The following PXDN variants were observed in gnomAD, a reference collection of about 807,000 sequenced individuals.
PXDN encodes the protein peroxidasin homolog.
PXDN carries 77 observed loss-of-function variants against 140.3 expected under a neutral mutation model. That is an observed-to-expected ratio of 0.55 (90% confidence interval 0.46 to 0.66). The LOEUF (loss-of-function observed/expected upper bound fraction) is 0.66. PXDN is among the 30% of genes least tolerant of loss of function. PXDN has a pLI of 0.00. For synonymous variants in PXDN, 911 were observed against 857.4 expected, an observed-to-expected ratio of 1.06 and a Z score of -1.09; for missense variants, 1,838 against 2,039.5, an observed-to-expected ratio of 0.90 and a Z score of 1.90.
At position 1,643,577 on chromosome 2, in the gene PXDN, C is replaced by T; in HGVS notation, c.3744-1G>A. The T allele has an allele frequency of 6.2e-7, 1 of 1,613,618 alleles. No homozygotes were observed. The highest frequency in any genetic ancestry group is 1.1e-5 in the South Asian group (1 of 91,082). ...CACCCCAGGGTTCTCATACCACAAC[C>T]TGGATCCCCCAAAATGAAAGCAGGA... On this transcript the variant is annotated splice_acceptor_variant, in intron 18 of 22. Transcript: ENST00000252804. LOFTEE classifies it high-confidence loss of function.
At chr2:1,679,052 C>T (rs1683799125) in intron 7 of PXDN, among the ~76,000 whole-genome samples, 1 of 151,980 alleles carries the variant, frequency 6.6e-6, no homozygotes, top group Non-Finnish European at 1.5e-5. Flanking sequence ...GAGATCCTTT[C>T]ACCTTACCAA....
intron 1 of PXDN, among the ~76,000 whole-genome samples, chr2:1,733,820 C>A (rs1320851132): frequency 1.4e-5 from 2 of 142,390 alleles, no homozygotes; most frequent in Non-Finnish European, 3.0e-5. Context: ...AAATATCATT[C>A]AAAAATTAAG....
Position 1,635,471 on chromosome 2 carries a change from C to A in PXDN, c.4257G>T (p.Gly1419=). ...RLSTTECVDA[G]GESHANNTKW... Reference sequence around the variant, plus strand: ...TGGTGTTGTTGGCGTGAGATTCGCCCCCGGCATCCACGCACTCTGTGGTAC... The same window carrying A: ...TGGTGTTGTTGGCGTGAGATTCGCCACCGGCATCCACGCACTCTGTGGTAC... The change falls in exon 22 of 23, where the codon GGG becomes GGT. Residue 1419 remains glycine (G), a synonymous_variant. Coordinates refer to ENST00000252804, the MANE Select transcript of PXDN (RefSeq NM_012293.3). 1 of 1,602,360 alleles carries A rather than the reference C, an allele frequency of 6.2e-7. No homozygotes were observed.
intron 9 of PXDN, among the ~76,000 whole-genome samples, chr2:1,672,680 T>C (rs935335225): frequency 2.6e-5 from 4 of 152,244 alleles, no homozygotes; most frequent in African/African-American, 9.6e-5. Flanking sequence ...TAACTGTTGA[T>C]TGTGTCTATG....
Position 1,731,147 on chromosome 2 carries a change from C to T in PXDN, c.200+13109G>A, listed in dbSNP as rs1408393243. 1.2e-4 allele frequency among the ~76,000 whole-genome samples: 7 copies of T among 60,466 alleles called. No individual in the cohort carries two copies. In the East Asian group the frequency reaches 4.6e-3, roughly 40 times the overall value. The allele number at this position is 60,466 out of a possible 152,430, so 39.7% of individuals were successfully genotyped here. A position where few individuals can be genotyped will look rare whatever the true frequency, so the allele number is the denominator to read the frequency against. On this transcript the variant is annotated intron_variant, in intron 1 of 22. Coordinates refer to ENST00000252804, the MANE Select transcript of PXDN (RefSeq NM_012293.3). ...TGCCAACAGAACACTGTTGAGAGCG[C>T]GCGCGCACACACACACACACACACA... is the stretch of plus-strand genomic sequence containing the variant.
In PXDN at chr2:1,680,217, T is replaced by C. The variant is rs1234881692; in HGVS notation, c.706A>G (p.Ile236Val). The change falls in exon 7 of 23, where the codon ATC becomes GTC. Residue 236 changes from isoleucine to valine, a missense_variant. Around this residue, in one of 5 missense-constraint regions of PXDN, gnomAD observed 208 missense variants for 325.8 expected, o/e 0.64. Coordinates refer to ENST00000252804, the MANE Select transcript of PXDN (RefSeq NM_012293.3). ...RRIQGRSVAT[I>V]TPEELNCERP... ...CCACAGTTCAGCTCTTCCGGGGTGA[T>C]GGTTGCCACTGAGCGTCCCTGGATG... 2 of 1,591,204 alleles carry C rather than the reference T, an allele frequency of 1.3e-6. No homozygotes were observed. The highest frequency in any genetic ancestry group is 1.7e-6 in the Non-Finnish European group (2 of 1,168,798).
chr2:1,665,589 G>A (rs940898313), intron 10 of PXDN, among the ~76,000 whole-genome samples: 6 of 152,250 alleles, frequency 3.9e-5, no homozygotes, highest in African/African-American at 9.6e-5. Flanking sequence ...ACTGCTGTGC[G>A]TGCAGATTCT....
At chr2:1,672,930 G>A (rs558282676) in intron 9 of PXDN, among the ~76,000 whole-genome samples, 6 of 152,278 alleles carry the variant, frequency 3.9e-5, no homozygotes, top group South Asian at 4.1e-4. Context: ...CGACTCTACC[G>A]GCTTCTGCAC....
intron 19 of PXDN, among the ~76,000 whole-genome samples, chr2:1,642,539 C>T (rs896517341): frequency 6.6e-6 from 1 of 152,220 alleles, no homozygotes; most frequent in Non-Finnish European, 1.5e-5. Context: ...GTCCCCAGAT[C>T]CCCCCATTGT....
chr2:1,740,806 C>T (rs992821052), intron 1 of PXDN, among the ~76,000 whole-genome samples: 9 of 152,030 alleles, frequency 5.9e-5, no homozygotes, highest in African/African-American at 2.2e-4. Context: ...TAACACCCAG[C>T]AGATGGTGAG....
At chr2:1,716,300 T>C (rs1409090603) in intron 1 of PXDN, among the ~76,000 whole-genome samples, 1 of 151,870 alleles carries the variant, frequency 6.6e-6, no homozygotes, top group Non-Finnish European at 1.5e-5. Context: ...TAGCTGGGCA[T>C]GGTGGTACAT....
intron 1 of PXDN, among the ~76,000 whole-genome samples, chr2:1,718,520 T>C (rs1684944563): frequency 6.6e-6 from 1 of 152,010 alleles, no homozygotes; most frequent in Admixed American, 6.6e-5. Flanking sequence ...ATTAACCTAC[T>C]ACCCGAAGCT....
intron 1 of PXDN, among the ~76,000 whole-genome samples, chr2:1,727,901 T>C (rs1685226036): frequency 6.6e-6 from 1 of 152,248 alleles, no homozygotes; most frequent in African/African-American, 2.4e-5. Context: ...GTTCACTGTC[T>C]TGTGCTATTC....
intron 1 of PXDN, among the ~76,000 whole-genome samples, chr2:1,711,656 GCACCCACT>G (rs1684789885): frequency 7.6e-5 from 4 of 52,650 alleles, no homozygotes; most frequent in Non-Finnish European, 1.2e-4. Flanking sequence ...CACTCCACCA[GCACCCACT>G]CTCCACCAGC....
intron 1 of PXDN, among the ~76,000 whole-genome samples, chr2:1,722,081 CAG>C (rs1263713484): frequency 6.6e-6 from 1 of 152,132 alleles, no homozygotes; most frequent in African/African-American, 2.4e-5. Flanking sequence ...TACCACAAGA[CAG>C]AGTTAAGCGA....
chr2:1,720,029 GA>G (rs755025161), intron 1 of PXDN, among the ~76,000 whole-genome samples: 6 of 83,296 alleles, frequency 7.2e-5, no homozygotes, highest in Admixed American at 1.1e-4. Context: ...GAGAGAGAGA[GA>G]GAGGGAGGGA....
intron 1 of PXDN, among the ~76,000 whole-genome samples, chr2:1,726,501 G>C (rs1242975033): frequency 6.6e-6 from 1 of 151,558 alleles, no homozygotes; most frequent in Non-Finnish European, 1.5e-5. Context: ...AATGGGTGCA[G>C]CACACCAGCA....
chr2:1,693,584 AC>A (rs1395950964), intron 1 of PXDN, among the ~76,000 whole-genome samples: 10 of 152,222 alleles, frequency 6.6e-5, no homozygotes, highest in Non-Finnish European at 1.5e-5. Flanking sequence ...CTAAACTGCT[AC>A]CTTCATGAGA....
intron 1 of PXDN, 71 bp downstream of exon 1, chr2:1,744,185 A>C: frequency 2.7e-6 from 3 of 1,116,130 alleles, no homozygotes; most frequent in South Asian, 2.2e-5. Context: ...CCCACCTCCG[A>C]TCACCCCTGC....
Sources: gnomAD v4.1 joint callset for allele counts (sites outside exome capture counted in the v4.1 genomes callset) on GRCh38, gnomAD v4.1.1 for gene constraint, gnomAD v4.1.1 regional missense constraint, MANE v1.5 for transcripts, NCBI Gene and HGNC (gene_info 2026-07-23, HGNC 2026-07-21) for gene names.